PPP2R3A: variants seen among roughly 807,000 people sequenced by gnomAD.
PPP2R3A encodes the protein serine/threonine-protein phosphatase 2A regulatory subunit B'' subunit alpha.
A neutral mutation model predicts 106.9 loss-of-function variants in PPP2R3A; 80 were observed. The observed-to-expected ratio is 0.75, with a 90% CI of 0.62 to 0.90. PPP2R3A has a LOEUF of 0.90. Among genes scored for constraint, PPP2R3A ranks in the 40% least tolerant of loss-of-function variants. PPP2R3A has a pLI of 0.00. For missense variants in PPP2R3A, 1,386 were observed against 1,350.4 expected (o/e 1.03, Z -0.41); for synonymous variants, 483 against 468.3 (o/e 1.03, Z -0.41).
chr3:136,051,913 A>G (rs1935699936), intron 5 of PPP2R3A, among the ~76,000 whole-genome samples: 1 of 152,144 alleles, frequency 6.6e-6, no homozygotes, highest in African/African-American at 2.4e-5. Flanking sequence ...TTCTGATTTT[A>G]TTTTATGCTC....
chr3:135,968,615 C>A (rs1937157976), intron 1 of PPP2R3A, among the ~76,000 whole-genome samples: 1 of 151,960 alleles, frequency 6.6e-6, no homozygotes, highest in African/African-American at 2.4e-5. Context: ...CTCATCAGAA[C>A]CACCAGAACT....
intron 11 of PPP2R3A, 64 bp downstream of exon 11, chr3:136,102,246 T>C: frequency 9.2e-6 from 14 of 1,525,806 alleles, no homozygotes; most frequent in Non-Finnish European, 1.3e-5. Flanking sequence ...CAAAGAATCC[T>C]AGATTGTCCT....
At chr3:136,010,254 CTTTCT>C (rs1297824861) in intron 2 of PPP2R3A, among the ~76,000 whole-genome samples, 19 of 142,406 alleles carry the variant, frequency 1.3e-4, no homozygotes, top group Middle Eastern at 3.6e-3. Context: ...TCTTTTCTTT[CTTTCT>C]TTTTTTTTTT....
chr3:135,965,925 C>A (rs1341798262), intron 1 of PPP2R3A, 76 bp downstream of exon 1: 2 of 127,210 alleles, frequency 1.6e-5, no homozygotes, highest in East Asian at 2.9e-4. Flanking sequence ...TGGCGAGGCT[C>A]GGGGCGGCGC....
intron 1 of PPP2R3A, among the ~76,000 whole-genome samples, chr3:135,967,719 AC>A (rs909520975): frequency 9.9e-5 from 15 of 151,804 alleles, no homozygotes; most frequent in African/African-American, 3.4e-4. Context: ...TTTGCTTGAC[AC>A]CCCCCATCCC....
chr3:135,988,249 G>T (rs1361738160), intron 1 of PPP2R3A, among the ~76,000 whole-genome samples: 1 of 141,958 alleles, frequency 7.0e-6, no homozygotes, highest in African/African-American at 2.6e-5. Flanking sequence ...GTTGTTCAAG[G>T]ATTAAAAAAA....
chr3:136,077,730 CT>C (rs1456045106), intron 6 of PPP2R3A, among the ~76,000 whole-genome samples: 3 of 152,160 alleles, frequency 2.0e-5, no homozygotes, highest in African/African-American at 7.2e-5. Context: ...GACACATTTG[CT>C]TCTTATCTCC....
intron 3 of PPP2R3A, among the ~76,000 whole-genome samples, chr3:136,028,175 G>A (rs1576445297): frequency 6.6e-6 from 1 of 152,182 alleles, no homozygotes; most frequent in East Asian, 1.9e-4. Context: ...AACCTCCTCA[G>A]CATCCACTTT....
At chr3:136,092,646 C>T (rs1486835205) in intron 10 of PPP2R3A, among the ~76,000 whole-genome samples, 1 of 152,098 alleles carries the variant, frequency 6.6e-6, no homozygotes, top group Non-Finnish European at 1.5e-5. Context: ...GTAAACAACT[C>T]TGTGTGGTAC....
chr3:136,069,022 C>T (rs970860820), intron 5 of PPP2R3A, among the ~76,000 whole-genome samples: 2 of 152,088 alleles, frequency 1.3e-5, no homozygotes, highest in Non-Finnish European at 2.9e-5. Context: ...GCATCAAAAT[C>T]GTAAGGAAAG....
intron 4 of PPP2R3A, among the ~76,000 whole-genome samples, chr3:136,048,076 G>A (rs556319099): frequency 1.3e-5 from 2 of 151,840 alleles, no homozygotes; most frequent in Admixed American, 6.6e-5. Flanking sequence ...TAACAAACCC[G>A]TACATGTACC....
chr3:136,022,816 C>T, intron 2 of PPP2R3A: 2 of 1,247,654 alleles, frequency 1.6e-6, no homozygotes, highest in Admixed American at 4.2e-5. Context: ...AGGCCCACTG[C>T]AGGCTGTGTT....
intron 13 of PPP2R3A, among the ~76,000 whole-genome samples, chr3:136,112,870 T>A (rs954375438): frequency 3.3e-5 from 5 of 152,128 alleles, no homozygotes; most frequent in Admixed American, 3.3e-4. Context: ...CGGTGGCTCA[T>A]GCCTGTAATC....
chr3:136,023,250 A>G lies in PPP2R3A; in HGVS notation c.1996-3582A>G, dbSNP rs751369304. Reference sequence around the variant, plus strand: ...TTGTTTTGTTTTGTTTTGTTTTGAAAATATTTTTATTACTAATAAAACCAT... The same window carrying G: ...TTGTTTTGTTTTGTTTTGTTTTGAAGATATTTTTATTACTAATAAAACCAT... On this transcript the variant is annotated intron_variant, in intron 2 of 13. Transcript: ENST00000264977. 13 of 1,014,162 alleles carry G rather than the reference A, an allele frequency of 1.3e-5. 1 individual carries two copies. The South Asian group carries it at 2.2e-4, about 17-fold the overall frequency. 62.8% of individuals were successfully genotyped at this position (1,014,162 alleles called of 1,614,324 possible). A position where few individuals can be genotyped will look rare whatever the true frequency, so the allele number is the denominator to read the frequency against.
At chr3:136,139,014 A>G (rs926148198) in intron 13 of PPP2R3A, among the ~76,000 whole-genome samples, 16 of 152,070 alleles carry the variant, frequency 1.1e-4, no homozygotes, top group African/African-American at 3.9e-4. Flanking sequence ...TGCCAGGCCA[A>G]AATATTGAAC....
intron 2 of PPP2R3A, among the ~76,000 whole-genome samples, chr3:136,012,454 G>C (rs1934117237): frequency 6.6e-6 from 1 of 152,170 alleles, no homozygotes; most frequent in African/African-American, 2.4e-5. Context: ...ACACAAAAAT[G>C]CTTATTAGGT....
At chr3:135,995,948 T>C (rs1253002388) in intron 1 of PPP2R3A, among the ~76,000 whole-genome samples, 1 of 152,222 alleles carries the variant, frequency 6.6e-6, no homozygotes, top group African/African-American at 2.4e-5. Flanking sequence ...CCAGAGTGTT[T>C]GGTGATGACG....
At chr3:136,033,533 A>G (rs1442474335) in intron 3 of PPP2R3A, among the ~76,000 whole-genome samples, 1 of 152,016 alleles carries the variant, frequency 6.6e-6, no homozygotes, top group Non-Finnish European at 1.5e-5. Flanking sequence ...TTTTGTTGGT[A>G]ATTTTTAAAC....
At chr3:136,060,937 A>G (rs75817561) in intron 5 of PPP2R3A, among the ~76,000 whole-genome samples, 1,990 of 152,376 alleles carry the variant, frequency 0.013, 27 homozygotes, top group Admixed American at 0.019. Flanking sequence ...TAATAACTCA[A>G]TTTAGCCATT....
Sources: gnomAD v4.1 joint callset for allele counts (sites outside exome capture counted in the v4.1 genomes callset) on GRCh38, gnomAD v4.1.1 for gene constraint, MANE v1.5 for transcripts, NCBI Gene and HGNC (gene_info 2026-07-23, HGNC 2026-07-21) for gene names.